Variants in CHL1 observed in about 807,000 individuals in gnomAD.
CHL1 encodes the protein neural cell adhesion molecule L1-like protein.
In CHL1, 96 loss-of-function variants were observed where a neutral mutation model predicts 141.9. The observed-to-expected ratio is 0.68, with a 90% CI of 0.57 to 0.80. CHL1 has a LOEUF of 0.80. Ranked by LOEUF, CHL1 falls within the 30% of genes least tolerant of loss-of-function variation. The probability of loss-of-function intolerance (pLI) is 0.00; values close to 1 mark genes in which losing one functional copy is unlikely to be tolerated. For synonymous variants in CHL1, 613 were observed against 502.2 expected (o/e 1.22, Z -2.95); for missense variants, 1,820 against 1,457.2 (o/e 1.25, Z -4.05).
Position 344,690 on chromosome 3 carries a change from G to C in CHL1, c.829G>C (p.Glu277Gln). Reference protein sequence around the residue: ...TILKGEILLLECFAEGLPTPQ... With the variant: ...TILKGEILLLQCFAEGLPTPQ... ...CCTCAAAGGGGAAATCTTGCTGCTT[G>C]AGTGTTTTGCTGAAGGCTTGTGAGT... Residue 277 changes from glutamate (E) to glutamine (Q), a missense_variant, in exon 9 of 28, where the codon GAG becomes CAG. By Grantham distance (29) the Glu-to-Gln change is conservative. Transcript: ENST00000256509. 1 of 1,613,774 alleles carries C rather than the reference G, an allele frequency of 6.2e-7. No individual in the cohort carries two copies. The highest frequency in any genetic ancestry group is 1.7e-5 in the Admixed American group (1 of 59,986).
Position 245,151 on chromosome 3 carries a change from G to C in CHL1, c.-95+459G>C, listed in dbSNP as rs180740952. On this transcript the variant is annotated intron_variant, in intron 2 of 27. Transcript: ENST00000256509. ...TGAACGACTTACAGCTTCAGTCACT[G>C]TTCCTTGAATTTGAATCCGTTTGAA... Among the ~76,000 whole-genome samples, 8 of 152,260 alleles carry C rather than the reference G, an allele frequency of 5.3e-5. No individual in the cohort carries two copies. In the East Asian group the frequency reaches 7.7e-4, roughly 15 times the overall value.
chr3:267,246 A>C (rs768197195), intron 2 of CHL1, among the ~76,000 whole-genome samples: 43 of 152,224 alleles, frequency 2.8e-4, no homozygotes, highest in Non-Finnish European at 2.9e-4. Context: ...ACTTCTGTTC[A>C]AAATTATGCT....
At chr3:356,423 C>A (rs1458828695) in intron 11 of CHL1, among the ~76,000 whole-genome samples, 1 of 152,106 alleles carries the variant, frequency 6.6e-6, no homozygotes, top group African/African-American at 2.4e-5. Context: ...TTATGGGGTA[C>A]TTTCTATGTT....
chr3:370,415 T>C (rs1430803824), intron 15 of CHL1, among the ~76,000 whole-genome samples: 1 of 152,150 alleles, frequency 6.6e-6, no homozygotes, highest in African/African-American at 2.4e-5. Context: ...TGATGGTAGT[T>C]TGCATTTCTG....
chr3:317,435 A>G (rs1700227153), intron 2 of CHL1, among the ~76,000 whole-genome samples: 1 of 151,904 alleles, frequency 6.6e-6, no homozygotes. Flanking sequence ...GATGATGTTA[A>G]ATATTAATCT....
At chr3:386,015 C>G (rs1396837123) in intron 19 of CHL1, among the ~76,000 whole-genome samples, 1 of 151,910 alleles carries the variant, frequency 6.6e-6, no homozygotes, top group Non-Finnish European at 1.5e-5. Flanking sequence ...ACTACTGACA[C>G]AGCCAGTGAA....
intron 23 of CHL1, among the ~76,000 whole-genome samples, chr3:393,102 G>A (rs1458059413): frequency 2.0e-5 from 3 of 152,034 alleles, no homozygotes; most frequent in Non-Finnish European, 4.4e-5. Context: ...GCGTGGTGGT[G>A]GGCCCCTGTA....
At chr3:369,498 G>A (rs187577123) in intron 15 of CHL1, among the ~76,000 whole-genome samples, 1 of 152,250 alleles carries the variant, frequency 6.6e-6, no homozygotes, top group Admixed American at 6.5e-5. Flanking sequence ...GGAGTTTTGG[G>A]GCTTAGACAA....
intron 1 of CHL1, among the ~76,000 whole-genome samples, chr3:234,320 A>G (rs1423393328): frequency 1.3e-5 from 2 of 152,038 alleles, no homozygotes; most frequent in African/African-American, 4.8e-5. Flanking sequence ...ACCTTAACCA[A>G]TTGCTGTCTC....
In CHL1 at chr3:407,526, T is replaced by C. The variant is rs995756092; in HGVS notation, c.*1815T>C. 2 of 152,072 alleles carry C rather than the reference T, an allele frequency of 1.3e-5. No homozygotes were observed. The highest frequency in any genetic ancestry group is 4.8e-5 in the African/African-American group (2 of 41,414). The allele number at this position is 152,072 out of a possible 1,614,324, so 9.4% of individuals were successfully genotyped here. On this transcript the variant is annotated 3_prime_UTR_variant, in exon 28 of 28. Coordinates refer to ENST00000256509, the MANE Select transcript of CHL1 (RefSeq NM_006614.4). The stretch of plus-strand genomic sequence containing the variant: ...TCCCTACCCTGTGTGAATGTGAGGA[T>C]GTAGACATCCATCAGTGCAACTCGA...
chr3:373,947 C>G (rs905511835), intron 15 of CHL1: 7 of 152,362 alleles, frequency 4.6e-5, no homozygotes, highest in African/African-American at 1.7e-4. Context: ...TAAGAGAAAC[C>G]TGGATACCTT....
At position 407,329 on chromosome 3, in the gene CHL1, T is replaced by A. The variant is rs1430987348; in HGVS notation, c.*1618T>A. On this transcript the variant is annotated 3_prime_UTR_variant, in exon 28 of 28. Transcript: ENST00000256509. ...TGGAGACCAAAATTTGGGGTATTTA[T>A]AATAGTCAGCGCAGGAATGCACATG... 1 of 152,150 alleles carries A rather than the reference T, an allele frequency of 6.6e-6. No individual in the cohort carries two copies. The highest frequency in any genetic ancestry group is 2.4e-5 in the African/African-American group (1 of 41,450). The allele number at this position is 152,150 out of a possible 1,614,324, so 9.4% of individuals were successfully genotyped here.
chr3:251,338 A>C (rs1693676573), intron 2 of CHL1, among the ~76,000 whole-genome samples: 2 of 152,134 alleles, frequency 1.3e-5, no homozygotes, highest in African/African-American at 4.8e-5. Context: ...TTCCAGAAAA[A>C]TATGAGTTCC....
chr3:401,664 C>A lies in CHL1; in HGVS notation c.3424C>A (p.Gln1142Lys). The change falls in exon 27 of 28, where the codon CAG becomes AAG. Residue 1142 changes from glutamine to lysine, a missense_variant. By Grantham distance (53) the Gln-to-Lys change is moderately conservative. Transcript: ENST00000256509. The part of the protein sequence containing the change: ...KEDLHPDPEI[Q>K]SVKDETFGEY... The stretch of plus-strand genomic sequence containing the variant: ...AGATTTGCATCCAGACCCAGAAATT[C>A]AGTCAGTAAAAGATGAAACCTTTGG... 6.3e-7 allele frequency: 1 copy of A among 1,596,790 alleles called. No homozygotes were observed. The highest frequency in any genetic ancestry group is 2.2e-5 in the East Asian group (1 of 44,572).
At chr3:324,103 T>C (rs1700813751) in intron 3 of CHL1, among the ~76,000 whole-genome samples, 1 of 152,082 alleles carries the variant, frequency 6.6e-6, no homozygotes, top group African/African-American at 2.4e-5. Flanking sequence ...TTGAGATGTC[T>C]TGTAATTTGT....
intron 1 of CHL1, among the ~76,000 whole-genome samples, chr3:242,325 G>A (rs71306194): frequency 0.75 from 112,589 of 150,566 alleles, 42,438 homozygotes; most frequent in East Asian, 0.96. Flanking sequence ...GGCTGAGCGC[G>A]GTGGCTCACG....
intron 5 of CHL1, among the ~76,000 whole-genome samples, chr3:329,426 TAA>T (rs1052784741): frequency 6.6e-6 from 1 of 152,068 alleles, no homozygotes; most frequent in African/African-American, 2.4e-5. Context: ...TAAATTGTCC[TAA>T]AGTCCTTATA....
chr3:335,775 A>G (rs1559271642), intron 5 of CHL1, among the ~76,000 whole-genome samples: 1 of 152,188 alleles, frequency 6.6e-6, no homozygotes, highest in Non-Finnish European at 1.5e-5. Flanking sequence ...TGAAAATGTT[A>G]ATTCAAATAA....
At chr3:220,650 C>T (rs1371711458) in intron 1 of CHL1, among the ~76,000 whole-genome samples, 1 of 152,082 alleles carries the variant, frequency 6.6e-6, no homozygotes. Flanking sequence ...CTGTGAGTAG[C>T]CACTGCACTC....
Sources: allele counts gnomAD v4.1 joint callset (sites outside exome capture counted in the v4.1 genomes callset), GRCh38; gene constraint gnomAD v4.1.1; transcripts MANE v1.5; gene names NCBI Gene and HGNC (gene_info 2026-07-23, HGNC 2026-07-21).